FBN2: variants seen among roughly 807,000 people sequenced by gnomAD.
The protein encoded by FBN2 is fibrillin-2.
In FBN2, 105 loss-of-function variants were observed where a neutral mutation model predicts 355.6. The observed-to-expected ratio is 0.30, with a 90% CI of 0.25 to 0.35. The LOEUF is 0.35. FBN2 is among the 10% of genes least tolerant of loss of function. The probability of loss-of-function intolerance (pLI) is 1.00; values close to 1 mark genes in which losing one functional copy is unlikely to be tolerated. For synonymous variants in FBN2, 1,350 were observed against 1,301.2 expected, an observed-to-expected ratio of 1.04 and a Z score of -0.81; for missense variants, 3,280 against 3,758.7, an observed-to-expected ratio of 0.87 and a Z score of 3.33.
chr5:128,501,886 T>C (rs986140799), intron 5 of FBN2, among the ~76,000 whole-genome samples: 5 of 152,042 alleles, frequency 3.3e-5, no homozygotes, highest in South Asian at 2.1e-4. Flanking sequence ...GAAATCAATA[T>C]ACTTGAAGTA....
intron 62 of FBN2, among the ~76,000 whole-genome samples, chr5:128,265,902 A>T (rs1014123378): frequency 2.0e-5 from 3 of 152,174 alleles, no homozygotes; most frequent in Non-Finnish European, 2.9e-5. Flanking sequence ...TGATGCATTG[A>T]CTAACAGTGT....
chr5:128,409,863 A>T (rs1280908075), intron 7 of FBN2, among the ~76,000 whole-genome samples: 1 of 152,202 alleles, frequency 6.6e-6, no homozygotes, highest in Non-Finnish European at 1.5e-5. Flanking sequence ...TATTATAAAC[A>T]CACAAAATAT....
chr5:128,485,660 A>C (rs1432229941), intron 5 of FBN2, among the ~76,000 whole-genome samples: 5 of 152,224 alleles, frequency 3.3e-5, no homozygotes, highest in Non-Finnish European at 7.3e-5. Flanking sequence ...ATAAGCATGT[A>C]CTAAATACAT....
intron 5 of FBN2, among the ~76,000 whole-genome samples, chr5:128,500,382 C>CT (rs1391989555): frequency 6.7e-6 from 1 of 148,868 alleles, no homozygotes; most frequent in African/African-American, 2.5e-5. Context: ...CATAACCCCT[C>CT]TTCCCTCAAA....
At chr5:128,460,247 C>G (rs1754523340) in intron 6 of FBN2, among the ~76,000 whole-genome samples, 1 of 152,014 alleles carries the variant, frequency 6.6e-6, no homozygotes, top group Non-Finnish European at 1.5e-5. Flanking sequence ...GAGAGAACTC[C>G]CATTCACAAT....
Position 128,304,887 on chromosome 5 carries a change from T to C in FBN2, c.5800+70A>G, listed in dbSNP as rs1340063814. 4.4e-6 allele frequency: 7 copies of C among 1,597,840 alleles called. No individual in the cohort carries two copies. The African/African-American group carries it at 5.4e-5, about 12-fold the overall frequency. On this transcript the variant is annotated intron_variant, in intron 45 of 64. Transcript: ENST00000262464. ...GAGACATAGTAGTTACTCATGGCAC[T>C]TGATGGAACTGTGATCTGTTCTGGA...
At position 128,328,804 on chromosome 5, in the gene FBN2, C is replaced by T. The variant is rs756212784; in HGVS notation, c.4363G>A (p.Glu1455Lys). The T allele has an allele frequency of 1.9e-6, 3 of 1,614,154 alleles. No individual in the cohort carries two copies. Among genetic ancestry groups the T allele is most frequent in the Non-Finnish European group, 2.5e-6 (3 of 1,180,008 alleles). ...CCGTTCTCACAGAGGTTTATGTTTTCTGCACACTCATCAACATCTGTGCAA... is the reference window on the plus strand; with the variant it reads ...CCGTTCTCACAGAGGTTTATGTTTTTTGCACACTCATCAACATCTGTGCAA... ...FTCSDVDECAENINLCENGQC... is the reference protein window; with the variant it reads ...FTCSDVDECAKNINLCENGQC... Residue 1455 changes from glutamate (E) to lysine (K), a missense_variant, in exon 34 of 65, where the codon GAA (glutamate) becomes AAA (lysine). Physicochemically the swap from Glu to Lys is moderately conservative, Grantham distance 56. Coordinates refer to ENST00000262464, the MANE Select transcript of FBN2 (RefSeq NM_001999.4).
intron 23 of FBN2, among the ~76,000 whole-genome samples, chr5:128,347,910 C>T (rs1751227745): frequency 1.3e-5 from 2 of 151,984 alleles, no homozygotes; most frequent in Non-Finnish European, 2.9e-5. Flanking sequence ...CCTCGAGTAG[C>T]TGGGATTACA....
intron 32 of FBN2, among the ~76,000 whole-genome samples, chr5:128,332,106 TA>T (rs1472640699): frequency 2.0e-5 from 3 of 152,194 alleles, no homozygotes; most frequent in Non-Finnish European, 4.4e-5. Context: ...TTTGAATGGA[TA>T]AAAAAGTATA....
intron 13 of FBN2, 122 bp from the exon 14 acceptor site, chr5:128,376,975 GT>G: frequency 1.0e-5 from 13 of 1,248,890 alleles, no homozygotes; most frequent in Admixed American, 3.7e-5. Context: ...ATGGCTTTTA[GT>G]TTTTTTTAAA....
rs115734355 is a variant in FBN2, at chr5:128,390,523, A to G, written c.1603+1495T>C. 6.3e-3 allele frequency among the ~76,000 whole-genome samples: 957 copies of G among 152,340 alleles called. 6 individuals carry two copies. Among genetic ancestry groups the G allele is most frequent in the Non-Finnish European group, 0.01 (699 of 68,030 alleles). On this transcript the variant is annotated intron_variant, in intron 11 of 64. Transcript: ENST00000262464. Reference sequence around the variant, plus strand: ...TTGAAAAAGACATTTTCACTTAAGAATATAATTGGTGAAGCCACAAAATTA... The same window carrying G: ...TTGAAAAAGACATTTTCACTTAAGAGTATAATTGGTGAAGCCACAAAATTA...
chr5:128,305,146 C>T, intron 44 of FBN2, 64 bp from the exon 45 acceptor site: 1 of 1,374,858 alleles, frequency 7.3e-7, no homozygotes. Context: ...TCATTTTTCA[C>T]AGTTGTGTTT....
chr5:128,259,256 C>A lies in FBN2; in HGVS notation c.*199G>T, dbSNP rs987315901. 6.7e-5 allele frequency: 42 copies of A among 628,370 alleles called. 1 individual carries two copies. The South Asian group carries it at 7.9e-4, about 12-fold the overall frequency. The allele number at this position is 628,370 out of a possible 1,614,324, so 38.9% of individuals were successfully genotyped here. A position where few individuals can be genotyped will look rare whatever the true frequency, so the allele number is the denominator to read the frequency against. ...ATAAAAAATACAGTAACCACGGTTG[C>A]CTTTGTGCTCAAATCTTTGGCCATA... On this transcript the variant is annotated 3_prime_UTR_variant, in exon 65 of 65. Coordinates refer to ENST00000262464, the MANE Select transcript of FBN2 (RefSeq NM_001999.4).
chr5:128,414,765 T>C (rs1470288353), intron 7 of FBN2, among the ~76,000 whole-genome samples: 1 of 151,892 alleles, frequency 6.6e-6, no homozygotes, highest in Admixed American at 6.6e-5. Context: ...TATGAGGGAG[T>C]CCTTCATACA....
chr5:128,415,756 A>C, intron 7 of FBN2, among the ~76,000 whole-genome samples: 1 of 152,096 alleles, frequency 6.6e-6, no homozygotes, highest in East Asian at 1.9e-4. Flanking sequence ...TTTTATTTGT[A>C]ATTTTTTGAG....
At chr5:128,300,432 C>T (rs991820010) in intron 48 of FBN2, among the ~76,000 whole-genome samples, 3 of 152,164 alleles carry the variant, frequency 2.0e-5, no homozygotes, top group Admixed American at 6.5e-5. Context: ...ACAGCATTGT[C>T]GAGATTTTTC....
At chr5:128,368,238 C>T (rs369743005) in intron 16 of FBN2, among the ~76,000 whole-genome samples, 1 of 151,874 alleles carries the variant, frequency 6.6e-6, no homozygotes, top group African/African-American at 2.4e-5. Flanking sequence ...ATGTTAGAAT[C>T]CCTACTGTAC....
chr5:128,304,864 G>C (rs768215732), intron 45 of FBN2, 93 bp downstream of exon 45: 21 of 1,477,090 alleles, frequency 1.4e-5, no homozygotes, highest in Non-Finnish European at 2.0e-5. Context: ...TTCTGACAGA[G>C]ACATAGTAGT....
intron 35 of FBN2, 152 bp from the exon 36 acceptor site, chr5:128,318,423 G>T: frequency 1.2e-6 from 1 of 820,758 alleles, no homozygotes; most frequent in Non-Finnish European, 2.1e-6. Flanking sequence ...TTAAATTTTG[G>T]TATATACCTA....
Sources: allele counts gnomAD v4.1 joint callset (sites outside exome capture counted in the v4.1 genomes callset), GRCh38; gene constraint gnomAD v4.1.1; transcripts MANE v1.5; gene names NCBI Gene and HGNC (gene_info 2026-07-23, HGNC 2026-07-21).